SPPL2A: variants seen among roughly 807,000 people sequenced by gnomAD.
The protein encoded by SPPL2A is signal peptide peptidase-like 2A.
Under a neutral mutation model 63.8 loss-of-function variants are expected in SPPL2A, and 51 were observed. The ratio of observed to expected loss-of-function variants is 0.80; its 90% CI spans 0.64 to 1.01. The LOEUF (loss-of-function observed/expected upper bound fraction) is 1.01. Among genes scored for constraint, SPPL2A ranks in the 50% least tolerant of loss-of-function variants. The probability of loss-of-function intolerance (pLI) is 0.00; values close to 1 mark genes in which losing one functional copy is unlikely to be tolerated. For synonymous variants in SPPL2A, 188 were observed against 205.8 expected, an observed-to-expected ratio of 0.91 and a Z score of 0.74; for missense variants, 553 against 622.7, an observed-to-expected ratio of 0.89 and a Z score of 1.19.
Position 50,704,762 on chromosome 15 carries a change from T to C in SPPL2A, c.*3038A>G, listed in dbSNP as rs1309865394. 6.6e-6 allele frequency: 1 copy of C among 152,212 alleles called. No individual in the cohort carries two copies. Among genetic ancestry groups the C allele is most frequent in the Non-Finnish European group, 1.5e-5 (1 of 68,030 alleles). 9.4% of individuals were successfully genotyped at this position (152,212 alleles called of 1,614,324 possible). On this transcript the variant is annotated 3_prime_UTR_variant, in exon 15 of 15. Transcript: ENST00000261854. ...AATTTCTTAATCACTATTGTCAGCT[T>C]GGTTGCTACACATTTAATTACAATA...
chr15:50,758,116 G>C (rs1416248928), intron 1 of SPPL2A, among the ~76,000 whole-genome samples: 1 of 150,248 alleles, frequency 6.7e-6, no homozygotes, highest in Non-Finnish European at 1.5e-5. Flanking sequence ...GTGAAACCCC[G>C]TCTCTACTAA....
intron 14 of SPPL2A, among the ~76,000 whole-genome samples, chr15:50,709,924 T>C (rs1417705029): frequency 6.6e-6 from 1 of 152,152 alleles, no homozygotes; most frequent in East Asian, 1.9e-4. Flanking sequence ...TTTGTAGCAA[T>C]TCTAAGGGGA....
chr15:50,712,954 G>C (rs926479097), intron 14 of SPPL2A, among the ~76,000 whole-genome samples: 2 of 151,960 alleles, frequency 1.3e-5, no homozygotes, highest in Non-Finnish European at 2.9e-5. Context: ...AAAGTGCTGG[G>C]ATTACAGGCA....
chr15:50,735,540 TAC>T (rs1332837415), intron 8 of SPPL2A, among the ~76,000 whole-genome samples: 3 of 115,734 alleles, frequency 2.6e-5, no homozygotes, highest in East Asian at 5.6e-4. Flanking sequence ...CACACATATA[TAC>T]ATACACACAC....
chr15:50,732,906 A>C (rs1266929613), intron 8 of SPPL2A, among the ~76,000 whole-genome samples: 1 of 151,992 alleles, frequency 6.6e-6, no homozygotes, highest in Non-Finnish European at 1.5e-5. Flanking sequence ...TTCATGTCTC[A>C]GCTTCCCAAG....
At chr15:50,754,709 G>A (rs556156224) in intron 1 of SPPL2A, among the ~76,000 whole-genome samples, 472 of 152,252 alleles carry the variant, frequency 3.1e-3, no homozygotes, top group Non-Finnish European at 5.8e-3. Context: ...TATTAAAAAC[G>A]CAAATTGGCC....
intron 6 of SPPL2A, among the ~76,000 whole-genome samples, chr15:50,737,041 A>G (rs918339660): frequency 4.6e-5 from 7 of 152,026 alleles, no homozygotes; most frequent in Admixed American, 3.3e-4. Context: ...AGCCTCCTGA[A>G]TAGCTGGGAT....
chr15:50,730,876 A>C, intron 10 of SPPL2A, 89 bp downstream of exon 10: 2 of 647,130 alleles, frequency 3.1e-6, no homozygotes, highest in Non-Finnish European at 5.7e-6. Flanking sequence ...CTCAGTGGTA[A>C]ACATCTGCAA....
chr15:50,710,924 A>G (rs2062551184), intron 14 of SPPL2A, among the ~76,000 whole-genome samples: 1 of 152,136 alleles, frequency 6.6e-6, no homozygotes, highest in Non-Finnish European at 1.5e-5. Context: ...AACTCCACTT[A>G]TTTCATTACA....
At position 50,706,719 on chromosome 15, in the gene SPPL2A, C is replaced by G. The variant is rs2062512510; in HGVS notation, c.*1081G>C. ...AAGAAAAATAATTTTTTTAAAAAAT[C>G]AAACCTTAACATTAACAGAACCAAA... On this transcript the variant is annotated 3_prime_UTR_variant, in exon 15 of 15. Transcript: ENST00000261854. The G allele has an allele frequency of 6.6e-6, 1 of 151,710 alleles. No individual in the cohort carries two copies. The allele number at this position is 151,710 out of a possible 1,614,324, so 9.4% of individuals were successfully genotyped here.
chr15:50,711,082 A>T (rs2062552517), intron 14 of SPPL2A, among the ~76,000 whole-genome samples: 1 of 152,180 alleles, frequency 6.6e-6, no homozygotes, highest in Admixed American at 6.6e-5. Context: ...ACATAAAATC[A>T]AATAAGTGGG....
At position 50,765,525 on chromosome 15, in the gene SPPL2A, C is replaced by T. The variant is rs956519943; in HGVS notation, c.9G>A (p.Pro3=). The part of the protein sequence containing the change: MG[P]QRRLSPAGAA... Reference sequence around the variant, plus strand: ...CCCCGGCAGGGGACAGCCGCCGCTGCGGCCCCATCGGACTGGTGGGTGCCG... The same window carrying T: ...CCCCGGCAGGGGACAGCCGCCGCTGTGGCCCCATCGGACTGGTGGGTGCCG... Residue 3 remains proline, a synonymous_variant, in exon 1 of 15, where the codon CCG becomes CCA. Transcript: ENST00000261854. 10 of 1,497,260 alleles carry T rather than the reference C, an allele frequency of 6.7e-6. No individual in the cohort carries two copies. The highest frequency in any genetic ancestry group is 2.3e-4 in the Middle Eastern group (1 of 4,288). The allele number at this position is 1,497,260 out of a possible 1,614,324, so 92.7% of individuals were successfully genotyped here.
intron 14 of SPPL2A, among the ~76,000 whole-genome samples, chr15:50,712,235 A>G (rs574473600): frequency 6.6e-6 from 1 of 152,392 alleles, no homozygotes; most frequent in South Asian, 2.1e-4. Flanking sequence ...GTAAGTATTT[A>G]AAGTACAAAG....
chr15:50,712,545 T>G (rs1166916648), intron 14 of SPPL2A, among the ~76,000 whole-genome samples: 1 of 152,024 alleles, frequency 6.6e-6, no homozygotes, highest in Non-Finnish European at 1.5e-5. Flanking sequence ...CCCATTCTAT[T>G]TCAGAAGTCT....
chr15:50,759,684 A>G (rs1260274973), intron 1 of SPPL2A, among the ~76,000 whole-genome samples: 3 of 151,998 alleles, frequency 2.0e-5, no homozygotes, highest in Admixed American at 6.6e-5. Context: ...CAGAGGTTGC[A>G]GTGAGCCGAG....
At chr15:50,726,453 C>T in intron 10 of SPPL2A, 76 bp from the exon 11 acceptor site, 1 of 1,378,906 alleles carries the variant, frequency 7.3e-7, no homozygotes, top group Non-Finnish European at 1.0e-6. Flanking sequence ...GTGATTTAAG[C>T]CCCATGGCAT....
rs1033241605 is a variant in SPPL2A at position 50,759,742 on chromosome 15, C to CAA, written c.66+5724_66+5725dup. ...TGGGCGACAGAACGAGACTCTGTCT[C>CAA]AAAAAAAAAAAAAGAAAGAAAAGAA... On this transcript the variant is annotated intron_variant, in intron 1 of 14. Transcript: ENST00000261854. 1.3e-4 allele frequency among the ~76,000 whole-genome samples: 15 copies of CAA among 112,612 alleles called. 1 individual carries two copies. Among genetic ancestry groups the CAA allele is most frequent in the African/African-American group, 4.3e-4 (13 of 30,194 alleles). The allele number at this position is 112,612 out of a possible 152,430, so 73.9% of individuals were successfully genotyped here.
intron 1 of SPPL2A, among the ~76,000 whole-genome samples, chr15:50,760,882 A>G (rs2063004240): frequency 6.6e-6 from 1 of 152,186 alleles, no homozygotes; most frequent in Non-Finnish European, 1.5e-5. Flanking sequence ...GCAAATTTTC[A>G]GCAACAGATT....
intron 1 of SPPL2A, among the ~76,000 whole-genome samples, chr15:50,754,817 T>C (rs2062941065): frequency 6.6e-6 from 1 of 151,978 alleles, no homozygotes; most frequent in African/African-American, 2.4e-5. Context: ...ACCCTGTCTC[T>C]ACTAAAAATA....
Sources: allele counts gnomAD v4.1 joint callset (sites outside exome capture counted in the v4.1 genomes callset), GRCh38; gene constraint gnomAD v4.1.1; transcripts MANE v1.5; gene names NCBI Gene and HGNC (gene_info 2026-07-23, HGNC 2026-07-21).